NCOR2: variants seen among roughly 807,000 people sequenced by gnomAD.
The protein encoded by NCOR2 is CTG repeat protein 26.
A neutral mutation model predicts 262.9 loss-of-function variants in NCOR2; 81 were observed. That is an observed-to-expected ratio of 0.31 (90% CI 0.26 to 0.37). The LOEUF (loss-of-function observed/expected upper bound fraction) is 0.37. Ranked by LOEUF, NCOR2 falls within the 10% of genes least tolerant of loss-of-function variation. The pLI is 1.00. For synonymous variants in NCOR2, 1,659 were observed against 1,559.3 expected, an observed-to-expected ratio of 1.06 and a Z score of -1.51; for missense variants, 3,385 against 3,621.4, an observed-to-expected ratio of 0.93 and a Z score of 1.68.
At chr12:124,471,117 G>A (rs1462969627) in intron 4 of NCOR2, among the ~76,000 whole-genome samples, 2 of 152,184 alleles carry the variant, frequency 1.3e-5, no homozygotes, top group East Asian at 1.9e-4. Context: ...CTCCAGGACC[G>A]GGTCTCACTG....
rs2041094984 is a variant in NCOR2 at position 124,389,360 on chromosome 12, G to A, written c.1877-3473C>T. Among the ~76,000 whole-genome samples, 1 of 152,124 alleles carries A rather than the reference G, an allele frequency of 6.6e-6. No individual in the cohort carries two copies. Among genetic ancestry groups the A allele is most frequent in the South Asian group, 2.1e-4 (1 of 4,832 alleles). On this transcript the variant is annotated intron_variant, in intron 16 of 46. Coordinates refer to ENST00000405201, the Ensembl canonical transcript of NCOR2. The surrounding 1 kb of genome is among the most constrained non-coding windows in gnomAD (Gnocchi z 4.4). ...CCAGACGGAGGCTCGCGGCGGGCGGGCAGGCGGGCGGGGGAGCGTGGCAGA... is the reference window on the plus strand; with the variant it reads ...CCAGACGGAGGCTCGCGGCGGGCGGACAGGCGGGCGGGGGAGCGTGGCAGA...
At chr12:124,332,993 G>A in intron 42 of NCOR2, 137 bp downstream of exon 44, 1 of 1,214,378 alleles carries the variant, frequency 8.2e-7, no homozygotes. Context: ...GGTGAAACCT[G>A]CTTGGCAGGC....
intron 4 of NCOR2, among the ~76,000 whole-genome samples, chr12:124,472,537 C>T (rs902677802): frequency 6.6e-6 from 1 of 152,158 alleles, no homozygotes; most frequent in Non-Finnish European, 1.5e-5. Context: ...GAAGGGACTG[C>T]CCACCCCACG....
chr12:124,409,213 G>T (rs2042435808), intron 13 of NCOR2, among the ~76,000 whole-genome samples: 1 of 152,310 alleles, frequency 6.6e-6, no homozygotes, highest in Admixed American at 6.5e-5. Context: ...CCCGCAACTC[G>T]GCATCAAATC....
intron 1 of NCOR2, among the ~76,000 whole-genome samples, chr12:124,565,035 G>GA (rs1413719796): frequency 6.6e-6 from 1 of 152,032 alleles, no homozygotes; most frequent in African/African-American, 2.4e-5. Context: ...ATTAATTGGG[G>GA]AAAAAGAACA....
intron 1 of NCOR2, chr12:124,529,849 C>A (rs570482372): frequency 6.6e-6 from 1 of 152,248 alleles, no homozygotes; most frequent in Non-Finnish European, 1.5e-5. Flanking sequence ...AACTGGAACT[C>A]TCATCCACTG....
At chr12:124,409,205 C>T (rs1035214727) in intron 13 of NCOR2, among the ~76,000 whole-genome samples, 8 of 152,232 alleles carry the variant, frequency 5.3e-5, no homozygotes, top group East Asian at 1.9e-4. Flanking sequence ...GATCCCGACC[C>T]GCAACTCGGC....
chr12:124,355,198 G>C (rs1458918526), intron 24 of NCOR2: 1 of 621,000 alleles, frequency 1.6e-6, no homozygotes. Flanking sequence ...ACTTGCCTGA[G>C]GCCACACAGC....
rs549871143 is a variant in NCOR2, at chr12:124,377,908, G to A, written c.2167+329C>T. Among the ~76,000 whole-genome samples, 86 of 152,108 alleles carry A rather than the reference G, an allele frequency of 5.7e-4. 1 individual carries two copies. The highest frequency in any genetic ancestry group is 2.0e-3 in the African/African-American group (84 of 41,484). On this transcript the variant is annotated intron_variant, in intron 18 of 46. Transcript: ENST00000405201. ...TCTAAACTGTGACATCGGATGGGGT[G>A]AAAGACAGCAGGCACCCACAGGGCT...
At chr12:124,333,965 CGG>C (rs1566354183) in intron 41 of NCOR2, among the ~76,000 whole-genome samples, 8 of 144,920 alleles carry the variant, frequency 5.5e-5, no homozygotes, top group Admixed American at 1.4e-4. Flanking sequence ...TGTGTGTGTG[CGG>C]GTGCGCATGT....
chr12:124,465,846 A>G (rs550933101), intron 5 of NCOR2, among the ~76,000 whole-genome samples: 79 of 152,278 alleles, frequency 5.2e-4, no homozygotes, highest in African/African-American at 1.9e-3. Flanking sequence ...ACCAGCACCT[A>G]AAGTGGCAGC....
Position 124,422,433 on chromosome 12 carries a change from C to T in NCOR2, c.1383+68G>A. On this transcript the variant is annotated intron_variant, in intron 12 of 46. Transcript: ENST00000405201. Reference sequence around the variant, plus strand: ...CTTGTGGGCAAGGAGGGAGGGCCTCCACCCTGAGTCCACGCAGTTGCCCAC... The same window carrying T: ...CTTGTGGGCAAGGAGGGAGGGCCTCTACCCTGAGTCCACGCAGTTGCCCAC... The T allele has an allele frequency of 3.1e-6, 5 of 1,591,552 alleles. No individual in the cohort carries two copies. The South Asian group carries it at 5.6e-5, about 18-fold the overall frequency.
chr12:124,360,078 G>T (rs942046118), intron 22 of NCOR2, among the ~76,000 whole-genome samples: 1 of 152,336 alleles, frequency 6.6e-6, no homozygotes, highest in East Asian at 1.9e-4. Context: ...CAGGACAGGG[G>T]CCTGCGACCT....
chr12:124,530,326 G>C (rs2050714165), intron 1 of NCOR2: 2 of 152,204 alleles, frequency 1.3e-5, no homozygotes, highest in South Asian at 2.1e-4. Flanking sequence ...TTAGTGCCAA[G>C]GGACTGGTGG....
intron 1 of NCOR2, among the ~76,000 whole-genome samples, chr12:124,509,166 CT>C (rs1174159170): frequency 3.3e-5 from 5 of 151,412 alleles, no homozygotes; most frequent in Admixed American, 6.6e-5. Context: ...ACCACCCCCC[CT>C]GCACCCTCAG....
At chr12:124,466,109 T>G (rs777817215) in intron 5 of NCOR2, 64 bp downstream of exon 7, 4 of 1,439,040 alleles carry the variant, frequency 2.8e-6, no homozygotes, top group Non-Finnish European at 2.9e-6. Context: ...TGATTCATGG[T>G]GCCCCCTGTG....
rs767599741 is a variant in NCOR2 at position 124,330,834 on chromosome 12, G to A, written c.6958+11C>T. 9.5e-6 allele frequency: 15 copies of A among 1,571,796 alleles called. No homozygotes were observed. The South Asian group carries it at 1.8e-4, about 18-fold the overall frequency. Reference sequence around the variant, plus strand: ...CCAGGGCAGCCATATAGCAAGGGCTGGATGGGTTACCTGTTCCGGTGATGG... The same window carrying A: ...CCAGGGCAGCCATATAGCAAGGGCTAGATGGGTTACCTGTTCCGGTGATGG... On this transcript the variant is annotated intron_variant, in intron 44 of 46. Coordinates refer to ENST00000405201, the Ensembl canonical transcript of NCOR2.
chr12:124,392,129 G>A lies in NCOR2; in HGVS notation c.1876+5990C>T, dbSNP rs144095346. Among the ~76,000 whole-genome samples, 169 of 152,334 alleles carry A rather than the reference G, an allele frequency of 1.1e-3. 2 individuals carry two copies. In the South Asian group the frequency reaches 0.016, roughly 15 times the overall value. On this transcript the variant is annotated intron_variant, in intron 16 of 46. Coordinates refer to ENST00000405201, the Ensembl canonical transcript of NCOR2. ...CGACAGGCATCATTACTACCGCATCGACCGCCAGGTGCTCCTTCCCTGAGT... is the reference window on the plus strand; with the variant it reads ...CGACAGGCATCATTACTACCGCATCAACCGCCAGGTGCTCCTTCCCTGAGT...
intron 30 of NCOR2, 69 bp from the exon 33 acceptor site, chr12:124,346,919 T>C (rs977108437): frequency 2.2e-5 from 31 of 1,414,908 alleles, no homozygotes; most frequent in Non-Finnish European, 2.8e-5. Flanking sequence ...TCCACACCAG[T>C]GGGTTCTGGA....
Sources: allele counts gnomAD v4.1 joint callset (sites outside exome capture counted in the v4.1 genomes callset), GRCh38; gene constraint gnomAD v4.1.1; non-coding constraint Gnocchi (gnomAD v3.1); transcripts MANE v1.5; gene names NCBI Gene and HGNC (gene_info 2026-07-23, HGNC 2026-07-21).